The following DUSP11 variants were observed in gnomAD, a reference collection of about 807,000 sequenced individuals.
DUSP11 encodes the protein RNA/RNP complex-1-interacting phosphatase.
A neutral mutation model predicts 41.4 loss-of-function variants in DUSP11; 27 were observed. That is an observed-to-expected ratio of 0.65 (90% CI 0.48 to 0.90). The LOEUF is 0.90. DUSP11 is among the 40% of genes least tolerant of loss of function. The pLI is 0.00. For missense variants in DUSP11, 465 were observed against 461.1 expected (o/e 1.01, Z -0.08); for synonymous variants, 188 against 159.3 (o/e 1.18, Z -1.35).
rs79558189 is a variant in DUSP11 at position 73,775,921 on chromosome 2, C to T, written c.319-877G>A. 5.4e-5 allele frequency among the ~76,000 whole-genome samples: 8 copies of T among 148,896 alleles called. No homozygotes were observed. The East Asian group carries it at 1.6e-3, about 30-fold the overall frequency. On this transcript the variant is annotated intron_variant, in intron 2 of 8. Transcript: ENST00000272444. Reference sequence around the variant, plus strand: ...GGTCTTGCCGTCTTGCCATGTAGCCCAGGCTGATCTCAAACTCCTGAGCTC... The same window carrying T: ...GGTCTTGCCGTCTTGCCATGTAGCCTAGGCTGATCTCAAACTCCTGAGCTC...
Position 73,776,307 on chromosome 2 carries a change from C to A in DUSP11, c.319-1263G>T, listed in dbSNP as rs7588611. Among the ~76,000 whole-genome samples the A allele has an allele frequency of 8.0e-3, 1,187 of 148,824 alleles. 13 individuals carry two copies. The highest frequency in any genetic ancestry group is 0.027 in the African/African-American group (1,090 of 40,358). Reference sequence around the variant, plus strand: ...GCAGGCGCCGGTAGTTCCAGCTACTCAGGAGGCAGAGGCAGGAGAATGGCG... The same window carrying A: ...GCAGGCGCCGGTAGTTCCAGCTACTAAGGAGGCAGAGGCAGGAGAATGGCG... On this transcript the variant is annotated intron_variant, in intron 2 of 8. Transcript: ENST00000272444.
At chr2:73,776,794 G>A (rs1334060271) in intron 2 of DUSP11, among the ~76,000 whole-genome samples, 1 of 152,146 alleles carries the variant, frequency 6.6e-6, no homozygotes, top group Non-Finnish European at 1.5e-5. Flanking sequence ...TCTATTCTCT[G>A]AGCTTAGTGC....
intron 1 of DUSP11, among the ~76,000 whole-genome samples, chr2:73,778,645 C>T (rs1182715699): frequency 1.3e-5 from 2 of 152,214 alleles, no homozygotes; most frequent in African/African-American, 2.4e-5. Context: ...CCCAGAACTT[C>T]TGTATCCCTG....
intron 4 of DUSP11, 54 bp downstream of exon 4, chr2:73,773,746 T>C: frequency 6.6e-7 from 1 of 1,525,892 alleles, no homozygotes; most frequent in South Asian, 1.3e-5. Context: ...ATACCAAAAA[T>C]CCCCAACCCC....
chr2:73,779,679 G>A, intron 1 of DUSP11, 195 bp downstream of exon 1: 1 of 803,274 alleles, frequency 1.2e-6, no homozygotes, highest in Non-Finnish European at 2.0e-6. Context: ...CAAGAATATG[G>A]AGAAATCACA....
At chr2:73,778,357 C>A in exon 2 of DUSP11, 1 of 1,548,172 alleles carries the variant, frequency 6.5e-7, no homozygotes, top group Non-Finnish European at 8.7e-7. Context: ...CGCTGTCCAA[C>A]TGGGAGATAG....
intron 2 of DUSP11, among the ~76,000 whole-genome samples, chr2:73,777,049 T>C (rs1488745237): frequency 6.6e-6 from 1 of 152,130 alleles, no homozygotes; most frequent in Non-Finnish European, 1.5e-5. Flanking sequence ...GGCATGATCA[T>C]GGCTCACTGC....
At chr2:73,764,042 G>A (rs187627236) in intron 8 of DUSP11, among the ~76,000 whole-genome samples, 145 of 152,296 alleles carry the variant, frequency 9.5e-4, no homozygotes, top group Non-Finnish European at 1.6e-3. Flanking sequence ...ATATACTACT[G>A]TATCCTGAGC....
chr2:73,779,439 T>C (rs556623421), intron 1 of DUSP11: 40 of 195,966 alleles, frequency 2.0e-4, no homozygotes, highest in Middle Eastern at 2.4e-3. Context: ...TAACAAAGTA[T>C]GCTCTTTGTG....
chr2:73,780,047 A>G (rs562414734), exon 1 of DUSP11: 13 of 1,612,570 alleles, frequency 8.1e-6, no homozygotes, highest in South Asian at 1.1e-5. Context: ...CAATGCCAGG[A>G]TAAGACCCTA....
chr2:73,763,904 C>T (rs1672409635), intron 8 of DUSP11, among the ~76,000 whole-genome samples: 1 of 152,192 alleles, frequency 6.6e-6, no homozygotes, highest in Non-Finnish European at 1.5e-5. Context: ...TGAGCTAACA[C>T]TTCCAATGGC....
intron 1 of DUSP11, 29 bp from the exon 2 acceptor site, chr2:73,778,405 T>C (rs1158492328): frequency 1.4e-6 from 2 of 1,400,790 alleles, no homozygotes; most frequent in South Asian, 1.4e-5. Context: ...GTTAGCCAAA[T>C]TGTATGTTAG....
chr2:73,769,040 G>T, intron 5 of DUSP11: 3 of 385,630 alleles, frequency 7.8e-6, no homozygotes, highest in Non-Finnish European at 9.2e-6. Flanking sequence ...AAAACAGAAT[G>T]TCTAACTATT....
At chr2:73,773,861 A>T (rs920803470) in exon 4 of DUSP11, 1 of 1,605,652 alleles carries the variant, frequency 6.2e-7, no homozygotes, top group African/African-American at 1.3e-5. Context: ...AAATAGTCTC[A>T]TCATCAGGCA....
chr2:73,766,583 G>T lies in DUSP11; in HGVS notation c.770C>A (p.Ser257Tyr), dbSNP rs762790593. The T allele has an allele frequency of 1.5e-5, 24 of 1,607,338 alleles. No individual in the cohort carries two copies. The African/African-American group carries it at 3.2e-4, about 22-fold the overall frequency. Residue 257 changes from serine (S) to tyrosine (Y), a missense_variant, in exon 8 of 9, where the codon TCC becomes TAC. By Grantham distance (144) the Ser-to-Tyr change is moderately radical (BLOSUM62 -2). Transcript: ENST00000272444. ...AAAATCACTTGACCTGGGTACACTG[G>T]AATTCCAATTCCTTAAAGAGAATAT...
At chr2:73,775,367 TTTC>T (rs997691910) in intron 2 of DUSP11, among the ~76,000 whole-genome samples, 8 of 151,128 alleles carry the variant, frequency 5.3e-5, no homozygotes, top group African/African-American at 1.9e-4. Context: ...AAATATTTCT[TTTC>T]TTTTTTTTTT....
intron 4 of DUSP11, among the ~76,000 whole-genome samples, chr2:73,772,012 G>C (rs1231656239): frequency 6.7e-6 from 1 of 149,438 alleles, no homozygotes; most frequent in Non-Finnish European, 1.5e-5. Context: ...AGTAGAGATG[G>C]GGTTTCACCG....
At chr2:73,773,744 A>G in intron 4 of DUSP11, 56 bp downstream of exon 4, 1 of 1,523,010 alleles carries the variant, frequency 6.6e-7, no homozygotes, top group Non-Finnish European at 8.8e-7. Flanking sequence ...AAATACCAAA[A>G]ATCCCCAACC....
rs1301747685 is a variant in DUSP11 at position 73,762,875 on chromosome 2, A to G, written c.936-16T>C. ...TGAAAATTTTCTTAAAGCAAAACAA[A>G]AAGTAATAAGCCATTACTAGGATTA... On this transcript the variant is annotated splice_polypyrimidine_tract_variant and intron_variant, in intron 8 of 8. Coordinates refer to ENST00000272444, the Ensembl canonical transcript of DUSP11. The G allele has an allele frequency of 6.8e-7, 1 of 1,471,870 alleles. No individual in the cohort carries two copies. Among genetic ancestry groups the G allele is most frequent in the South Asian group, 1.3e-5 (1 of 77,658 alleles). 91.2% of individuals were successfully genotyped at this position (1,471,870 alleles called of 1,614,324 possible).
Sources: gnomAD v4.1 joint callset for allele counts (sites outside exome capture counted in the v4.1 genomes callset) on GRCh38, gnomAD v4.1.1 for gene constraint, MANE v1.5 for transcripts, NCBI Gene and HGNC (gene_info 2026-07-23, HGNC 2026-07-21) for gene names.